Variants in UBE2E1 observed in about 807,000 individuals in gnomAD.
UBE2E1 encodes ubiquitin-conjugating enzyme E2 E1.
A neutral mutation model predicts 21.4 loss-of-function variants in UBE2E1; 6 were observed. The observed-to-expected ratio is 0.28, with a 90% CI of 0.15 to 0.55. UBE2E1 has a LOEUF of 0.55. Among genes scored for constraint, UBE2E1 ranks in the 20% least tolerant of loss-of-function variants. UBE2E1 has a pLI of 0.93. For missense variants in UBE2E1, 142 were observed against 236.5 expected, an observed-to-expected ratio of 0.60 and a Z score of 2.62; for synonymous variants, 87 against 82.7, an observed-to-expected ratio of 1.05 and a Z score of -0.28.
At chr3:23,856,063 G>A (rs995034341) in intron 3 of UBE2E1, among the ~76,000 whole-genome samples, 2 of 151,952 alleles carry the variant, frequency 1.3e-5, no homozygotes, top group African/African-American at 4.8e-5. Flanking sequence ...ACAGAGTCTC[G>A]CTCTGTAGCC....
At chr3:23,869,003 T>G (rs182687555) in intron 3 of UBE2E1, among the ~76,000 whole-genome samples, 6 of 152,324 alleles carry the variant, frequency 3.9e-5, no homozygotes, top group Admixed American at 2.0e-4. Context: ...TTCCAAATTT[T>G]TTTCATCATA....
intron 3 of UBE2E1, among the ~76,000 whole-genome samples, chr3:23,882,563 C>T (rs538015475): frequency 2.6e-5 from 4 of 152,110 alleles, no homozygotes; most frequent in South Asian, 2.1e-4. Context: ...GCGATGGGAC[C>T]GGGAGCCGCG....
At chr3:23,833,626 T>G (rs1473380) in intron 3 of UBE2E1, among the ~76,000 whole-genome samples, 114,110 of 152,144 alleles carry the variant, frequency 0.75, 43,172 homozygotes, top group Admixed American at 0.8. Flanking sequence ...AGATAATTTC[T>G]TATATTTTAC....
intron 3 of UBE2E1, among the ~76,000 whole-genome samples, chr3:23,860,690 T>C (rs1223460056): frequency 2.0e-5 from 3 of 152,252 alleles, no homozygotes; most frequent in African/African-American, 7.2e-5. Context: ...CCCATACACT[T>C]ACCTCTTTAT....
intron 3 of UBE2E1, among the ~76,000 whole-genome samples, chr3:23,850,726 C>T (rs1430974601): frequency 1.6e-4 from 24 of 149,412 alleles, no homozygotes; most frequent in Non-Finnish European, 1.5e-5. Context: ...TTCTGTCACC[C>T]ATGCCAGAGC....
intron 3 of UBE2E1, among the ~76,000 whole-genome samples, chr3:23,847,996 T>A (rs1255855335): frequency 6.6e-6 from 1 of 152,200 alleles, no homozygotes; most frequent in African/African-American, 2.4e-5. Context: ...CCTCCTTTTT[T>A]AAATAAACAC....
Position 23,811,525 on chromosome 3 carries a change from G to A in UBE2E1, c.203+15G>A, listed in dbSNP as rs367621008. On this transcript the variant is annotated intron_variant, in intron 3 of 5. Transcript: ENST00000306627. ...CCTAATTGCAGGTGAGTTGCTTTTCGGATTTTTTCCATTTTTAAAATTCTT... is the reference window on the plus strand; with the variant it reads ...CCTAATTGCAGGTGAGTTGCTTTTCAGATTTTTTCCATTTTTAAAATTCTT... 3.7e-6 allele frequency: 6 copies of A among 1,613,200 alleles called. No homozygotes were observed. The highest frequency in any genetic ancestry group is 5.1e-6 in the Non-Finnish European group (6 of 1,179,372).
intron 3 of UBE2E1, among the ~76,000 whole-genome samples, chr3:23,865,561 C>T (rs1334709426): frequency 1.3e-5 from 2 of 152,060 alleles, no homozygotes; most frequent in African/African-American, 2.4e-5. Flanking sequence ...ACAATGTTGC[C>T]CATGCTGGTC....
At chr3:23,864,628 A>G (rs1190695421) in intron 3 of UBE2E1, among the ~76,000 whole-genome samples, 1 of 152,122 alleles carries the variant, frequency 6.6e-6, no homozygotes, top group African/African-American at 2.4e-5. Context: ...AGTGCAATGT[A>G]TTCTGTCTCT....
chr3:23,869,491 GC>G lies in UBE2E1; in HGVS notation c.204-18071del, dbSNP rs558943276. On this transcript the variant is annotated intron_variant, in intron 3 of 5. Coordinates refer to ENST00000306627, the MANE Select transcript of UBE2E1 (RefSeq NM_003341.5). ...TTTGGTCATTCCTGCACTCCTGCCT[GC>G]CCCCTCACCCCAAGGTGACTTGTGA... Among the ~76,000 whole-genome samples the G allele has an allele frequency of 1.6e-4, 24 of 149,998 alleles. No individual in the cohort carries two copies. The East Asian group carries it at 4.5e-3, about 28-fold the overall frequency.
intron 3 of UBE2E1, among the ~76,000 whole-genome samples, chr3:23,849,672 G>C (rs181719527): frequency 6.6e-6 from 1 of 152,290 alleles, no homozygotes; most frequent in East Asian, 1.9e-4. Flanking sequence ...CCATGTTGCT[G>C]CAAATAACAT....
chr3:23,867,531 A>G (rs1269335275), intron 3 of UBE2E1, among the ~76,000 whole-genome samples: 1 of 152,230 alleles, frequency 6.6e-6, no homozygotes, highest in Non-Finnish European at 1.5e-5. Flanking sequence ...TATCTTAGAT[A>G]ACAGTTGGTA....
At chr3:23,865,563 A>G (rs536642128) in intron 3 of UBE2E1, among the ~76,000 whole-genome samples, 6 of 152,220 alleles carry the variant, frequency 3.9e-5, no homozygotes, top group South Asian at 2.1e-4. Flanking sequence ...AATGTTGCCC[A>G]TGCTGGTCCC....
intron 3 of UBE2E1, among the ~76,000 whole-genome samples, chr3:23,864,568 C>G (rs769431679): frequency 4.6e-5 from 7 of 152,114 alleles, no homozygotes; most frequent in Non-Finnish European, 1.0e-4. Context: ...TCAAAAGCTA[C>G]TTTTTCTCCT....
chr3:23,807,093 G>A lies in UBE2E1; in HGVS notation c.-33-144G>A, dbSNP rs76464485. The A allele has an allele frequency of 2.1e-3, 1,312 of 636,790 alleles. 17 individuals carry two copies. In the African/African-American group the frequency reaches 0.022, roughly 11 times the overall value. 39.4% of individuals were successfully genotyped at this position (636,790 alleles called of 1,614,324 possible). On this transcript the variant is annotated intron_variant, in intron 1 of 5. Coordinates refer to ENST00000306627, the MANE Select transcript of UBE2E1 (RefSeq NM_003341.5). ...CGTCCGATTTGCAAAAGCCTTAATGGGCCTGCAGACTTTGAAAAGCGAGTG... is the reference window on the plus strand; with the variant it reads ...CGTCCGATTTGCAAAAGCCTTAATGAGCCTGCAGACTTTGAAAAGCGAGTG...
intron 3 of UBE2E1, among the ~76,000 whole-genome samples, chr3:23,838,789 C>T (rs987072842): frequency 6.6e-5 from 10 of 151,990 alleles, no homozygotes; most frequent in Admixed American, 1.3e-4. Flanking sequence ...GAGCCACTAC[C>T]GTGCCAGGCC....
At chr3:23,873,281 C>A (rs1700842352) in intron 3 of UBE2E1, among the ~76,000 whole-genome samples, 2 of 152,098 alleles carry the variant, frequency 1.3e-5, no homozygotes, top group Non-Finnish European at 2.9e-5. Flanking sequence ...GGAGAACTGC[C>A]TAGTTTTTCC....
At chr3:23,883,711 T>C (rs1575041257) in intron 3 of UBE2E1, among the ~76,000 whole-genome samples, 1 of 150,774 alleles carries the variant, frequency 6.6e-6, no homozygotes, top group Admixed American at 6.6e-5. Context: ...AGGTCAGGAG[T>C]TTGAGACCGG....
At chr3:23,879,234 T>A (rs1700982773) in intron 3 of UBE2E1, 2 of 868,280 alleles carry the variant, frequency 2.3e-6, no homozygotes, top group East Asian at 9.4e-5. Flanking sequence ...GCATCTGGCA[T>A]ATGACTTCCA....
Sources: gnomAD v4.1 joint callset for allele counts (sites outside exome capture counted in the v4.1 genomes callset) on GRCh38, gnomAD v4.1.1 for gene constraint, MANE v1.5 for transcripts, NCBI Gene and HGNC (gene_info 2026-07-23, HGNC 2026-07-21) for gene names.